The following ZFHX3 variants were observed in gnomAD, a reference collection of about 807,000 sequenced individuals.
The protein encoded by ZFHX3 is zinc finger homeobox protein 3.
A neutral mutation model predicts 279.1 loss-of-function variants in ZFHX3; 42 were observed. That is an observed-to-expected ratio of 0.15 (90% CI 0.12 to 0.19). The LOEUF is 0.19. ZFHX3 is among the 10% of genes least tolerant of loss of function. ZFHX3 has a pLI of 1.00. For missense variants in ZFHX3, 4,981 were observed against 4,754.0 expected, an observed-to-expected ratio of 1.05 and a Z score of -1.40; for synonymous variants, 2,293 against 1,957.8, an observed-to-expected ratio of 1.17 and a Z score of -4.52.
chr16:73,221,053 G>A (rs1014025811), intron 5 of ZFHX3, among the ~76,000 whole-genome samples: 66 of 152,204 alleles, frequency 4.3e-4, no homozygotes, highest in African/African-American at 1.5e-3. Flanking sequence ...GGGGCATTGC[G>A]CCATGGAATT....
chr16:72,996,710 G>A (rs1435511604), intron 1 of ZFHX3, among the ~76,000 whole-genome samples: 1 of 152,228 alleles, frequency 6.6e-6, no homozygotes, highest in Non-Finnish European at 1.5e-5. Flanking sequence ...CGGAGTTCTG[G>A]CAGTTTCACC....
rs548067029 is a variant in ZFHX3 at position 73,725,904 on chromosome 16, A to G, written c.-1607-45664T>C. ...GGTCACCCCACTAAGCCACAGCATT[A>G]TGGGGAAAGGAGATATTTGGAGAAT... On this transcript the variant is annotated intron_variant, in intron 1 of 17. Coordinates refer to the ZFHX3 transcript ENST00000641206. 1.2e-4 allele frequency among the ~76,000 whole-genome samples: 19 copies of G among 152,300 alleles called. No individual in the cohort carries two copies. In the South Asian group the frequency reaches 3.7e-3, roughly 30 times the overall value.
chr16:73,384,727 A>G (rs1248945432), intron 3 of ZFHX3, among the ~76,000 whole-genome samples: 1 of 152,228 alleles, frequency 6.6e-6, no homozygotes, highest in Non-Finnish European at 1.5e-5. Flanking sequence ...TTAGTTCATC[A>G]ACAGCCACAA....
chr16:73,100,722 C>T (rs1966220552), intron 7 of ZFHX3, among the ~76,000 whole-genome samples: 2 of 151,964 alleles, frequency 1.3e-5, no homozygotes, highest in Admixed American at 6.6e-5. Flanking sequence ...CTCAACCTCC[C>T]GAGTAGCTGG....
At chr16:72,967,416 C>T in intron 1 of ZFHX3, among the ~76,000 whole-genome samples, 1 of 151,822 alleles carries the variant, frequency 6.6e-6, no homozygotes, top group Non-Finnish European at 1.5e-5. Context: ...GTGATTGCAA[C>T]CCAATGTGTA....
Position 73,211,617 on chromosome 16 carries a change from T to C in ZFHX3, c.-1104+45430A>G, listed in dbSNP as rs556217080. On this transcript the variant is annotated intron_variant, in intron 5 of 17. Transcript: ENST00000641206. The stretch of plus-strand genomic sequence containing the variant: ...GGTGGAGCCTATTTAGTGTCCACAG[T>C]GCAGGAACTGGCAAAATTCCATGCA... 4.0e-5 allele frequency among the ~76,000 whole-genome samples: 6 copies of C among 151,782 alleles called. No homozygotes were observed. The South Asian group carries it at 1.3e-3, about 32-fold the overall frequency.
At chr16:73,235,138 C>T (rs183454920) in intron 5 of ZFHX3, among the ~76,000 whole-genome samples, 6 of 152,066 alleles carry the variant, frequency 3.9e-5, no homozygotes, top group African/African-American at 9.6e-5. Context: ...GGTGCAATCT[C>T]GGCTCACTGC....
At chr16:73,633,653 T>C (rs1022509570) in intron 2 of ZFHX3, among the ~76,000 whole-genome samples, 3 of 152,242 alleles carry the variant, frequency 2.0e-5, no homozygotes, top group Admixed American at 2.0e-4. Flanking sequence ...TGCTCAGTAC[T>C]AGTGCCTGTG....
chr16:73,276,868 C>T (rs1462373134), intron 4 of ZFHX3, among the ~76,000 whole-genome samples: 1 of 152,146 alleles, frequency 6.6e-6, no homozygotes, highest in Non-Finnish European at 1.5e-5. Flanking sequence ...ATCATATGGG[C>T]TAAGTCAAAC....
At chr16:73,006,461 GA>G (rs994064863) in intron 1 of ZFHX3, among the ~76,000 whole-genome samples, 9 of 149,668 alleles carry the variant, frequency 6.0e-5, no homozygotes, top group African/African-American at 2.0e-4. Context: ...CAATCTCTAT[GA>G]AAAAAAAAAT....
intron 1 of ZFHX3, among the ~76,000 whole-genome samples, chr16:73,707,263 C>T (rs946247124): frequency 2.0e-5 from 3 of 152,074 alleles, no homozygotes; most frequent in Non-Finnish European, 4.4e-5. Flanking sequence ...ACATGTCTAC[C>T]CATAGTCTGA....
chr16:73,287,767 GGTGTGTGGGTAA>G (rs1284131932), intron 4 of ZFHX3, among the ~76,000 whole-genome samples: 1 of 141,912 alleles, frequency 7.0e-6, no homozygotes, highest in Non-Finnish European at 1.6e-5. Flanking sequence ...TGGCTGTGTG[GGTGTGTGGGTAA>G]GTGTGTGGGT....
intron 2 of ZFHX3, chr16:73,483,254 C>A: frequency 2.6e-6 from 1 of 385,648 alleles, no homozygotes. Context: ...GTCCATCGGG[C>A]TGCCAGGACA....
intron 1 of ZFHX3, among the ~76,000 whole-genome samples, chr16:73,044,453 A>T (rs1965221926): frequency 6.6e-6 from 1 of 152,246 alleles, no homozygotes; most frequent in Non-Finnish European, 1.5e-5. Flanking sequence ...TCTTCAGGTT[A>T]CTGACAGGCA....
At chr16:73,083,556 G>T (rs1367597777) in intron 8 of ZFHX3, 2 of 152,186 alleles carry the variant, frequency 1.3e-5, no homozygotes. Flanking sequence ...TTGAGACAGG[G>T]TCTCACTTTG....
At chr16:73,486,520 G>A (rs1462911587) in intron 2 of ZFHX3, among the ~76,000 whole-genome samples, 1 of 152,198 alleles carries the variant, frequency 6.6e-6, no homozygotes, top group East Asian at 1.9e-4. Context: ...CTTGATAACA[G>A]GTCTCTAACA....
chr16:73,266,331 A>G (rs13339458), intron 4 of ZFHX3, among the ~76,000 whole-genome samples: 4,110 of 152,344 alleles, frequency 0.027, 210 homozygotes, highest in African/African-American at 0.095. Context: ...ATTAGTTAAT[A>G]TTTAGTTTCT....
chr16:73,127,318 G>A (rs1966586038), intron 7 of ZFHX3: 1 of 1,292,030 alleles, frequency 7.7e-7, no homozygotes, highest in Non-Finnish European at 1.0e-6. Flanking sequence ...AACAGCCTTC[G>A]CTGGTGGCAG....
intron 1 of ZFHX3, among the ~76,000 whole-genome samples, chr16:73,707,146 T>G (rs1287184515): frequency 6.6e-6 from 1 of 152,174 alleles, no homozygotes; most frequent in Non-Finnish European, 1.5e-5. Flanking sequence ...CAGCCAATTT[T>G]TACAAGTCCC....
Sources: allele counts gnomAD v4.1 joint callset (sites outside exome capture counted in the v4.1 genomes callset), GRCh38; gene constraint gnomAD v4.1.1; transcripts MANE v1.5; gene names NCBI Gene and HGNC (gene_info 2026-07-23, HGNC 2026-07-21).